Variants in ZNF723 observed in about 807,000 individuals in gnomAD.
The protein encoded by ZNF723 is zinc finger protein 723, pseudogene.
Under a neutral mutation model 9.4 loss-of-function variants are expected in ZNF723, and 5 were observed. That is an observed-to-expected ratio of 0.53 (90% CI 0.28 to 1.12). ZNF723 has a LOEUF of 1.12. Among genes scored for constraint, ZNF723 ranks in the 50% most tolerant of loss-of-function variants. ZNF723 has a pLI of 0.10. For synonymous variants in ZNF723, 158 were observed against 168.8 expected (o/e 0.94, Z 0.49); for missense variants, 450 against 501.5 (o/e 0.90, Z 0.98).
chr19:22,825,800 G>T, the ZNF723 span, among the ~76,000 whole-genome samples: 1 of 152,206 alleles, frequency 6.6e-6, no homozygotes, highest in African/African-American at 2.4e-5. Context: ...ACATACTGCA[G>T]TGCCCAACAT....
chr19:22,854,169 A>G (rs1288615615), intron 3 of ZNF723, among the ~76,000 whole-genome samples: 1 of 152,100 alleles, frequency 6.6e-6, no homozygotes, highest in Non-Finnish European at 1.5e-5. Context: ...ACACACACAC[A>G]CACACATTTG....
Position 22,858,140 on chromosome 19 carries a change from A to C in ZNF723, c.1249A>C (p.Ile417Leu). The C allele has an allele frequency of 7.0e-7, 1 of 1,434,024 alleles. No individual in the cohort carries two copies. Among genetic ancestry groups the C allele is most frequent in the Non-Finnish European group, 9.8e-7 (1 of 1,017,500 alleles). 88.8% of individuals were successfully genotyped at this position (1,434,024 alleles called of 1,614,324 possible). ...ATCCTCAGCCCTTACTACACATAAG[A>C]TAATTCATACTGGAGAAAGACCTTA... ...NQSSALTTHK[I>L]IHTGERPYKC... The change falls in exon 4 of 4, where the codon ATA (isoleucine) becomes CTA (leucine). Residue 417 changes from isoleucine to leucine, a missense_variant. By Grantham distance (5) the Ile-to-Leu change is conservative. This residue lies in a region of ZNF723 where 237 missense variants were observed against 332.2 expected (regional missense o/e 0.71). Coordinates refer to ENST00000600766, the MANE Select transcript of ZNF723 (RefSeq NM_001349726.2).
At chr19:22,841,343 A>G (rs189716067) in intron 1 of ZNF723, among the ~76,000 whole-genome samples, 1 of 152,296 alleles carries the variant, frequency 6.6e-6, no homozygotes, top group Admixed American at 6.5e-5. Flanking sequence ...ATGGTGCTGT[A>G]AATTTTTCCA....
chr19:22,819,668 G>A, the ZNF723 span, among the ~76,000 whole-genome samples: 547 of 152,306 alleles, frequency 3.6e-3, 6 homozygotes, highest in African/African-American at 0.013. Flanking sequence ...AGAAAGCATT[G>A]CAACATATCT....
the ZNF723 span, among the ~76,000 whole-genome samples, chr19:22,818,341 C>G: frequency 6.6e-6 from 1 of 152,136 alleles, no homozygotes; most frequent in Non-Finnish European, 1.5e-5. Context: ...GAATACAGCC[C>G]TCAGTTGAGG....
At chr19:22,855,156 G>A (rs894648216) in intron 3 of ZNF723, among the ~76,000 whole-genome samples, 2 of 151,632 alleles carry the variant, frequency 1.3e-5, no homozygotes, top group African/African-American at 4.8e-5. Context: ...ACAATGGTAG[G>A]AAATTTCATT....
chr19:22,849,728 G>A (rs1488319782), intron 3 of ZNF723, among the ~76,000 whole-genome samples: 3 of 152,116 alleles, frequency 2.0e-5, no homozygotes, highest in Non-Finnish European at 4.4e-5. Context: ...GGCCAACATG[G>A]TGAAACCCCT....
chr19:22,844,827 A>T (rs1967287770), intron 1 of ZNF723, among the ~76,000 whole-genome samples: 1 of 152,210 alleles, frequency 6.6e-6, no homozygotes, highest in Non-Finnish European at 1.5e-5. Flanking sequence ...GACTTAGTTA[A>T]AACACACATT....
At chr19:22,825,821 T>C in the ZNF723 span, among the ~76,000 whole-genome samples, 5 of 152,224 alleles carry the variant, frequency 3.3e-5, no homozygotes, top group African/African-American at 9.6e-5. Flanking sequence ...TATGATAATG[T>C]GATTTTACTG....
chr19:22,832,501 T>A, intron 1 of ZNF723, 119 bp downstream of exon 1: 1 of 1,126,730 alleles, frequency 8.9e-7, no homozygotes, highest in Non-Finnish European at 1.3e-6. Context: ...CGCTCGGAGT[T>A]CTAGCCTGGC....
the ZNF723 span, among the ~76,000 whole-genome samples, chr19:22,822,623 G>A: frequency 6.6e-6 from 1 of 152,170 alleles, no homozygotes; most frequent in Non-Finnish European, 1.5e-5. Flanking sequence ...ATCAGTTTGG[G>A]AGGCCGAGGC....
chr19:22,842,029 C>T (rs1432236806), intron 1 of ZNF723, among the ~76,000 whole-genome samples: 1 of 152,080 alleles, frequency 6.6e-6, no homozygotes, highest in East Asian at 1.9e-4. Flanking sequence ...TGTTTTGAGA[C>T]AGTCTTGGTC....
intron 3 of ZNF723, among the ~76,000 whole-genome samples, chr19:22,851,634 C>T (rs1047383775): frequency 1.3e-5 from 2 of 152,118 alleles, no homozygotes; most frequent in Admixed American, 6.6e-5. Context: ...CTAATGCTAT[C>T]GGATTACAGG....
chr19:22,832,202 C>A (rs1967105973), upstream of ZNF723: 1 of 625,530 alleles, frequency 1.6e-6, no homozygotes, highest in Non-Finnish European at 2.5e-6. Flanking sequence ...GGGCCTTAAA[C>A]GGCATCCATT....
the ZNF723 span, among the ~76,000 whole-genome samples, chr19:22,818,241 A>T: frequency 6.6e-6 from 1 of 152,162 alleles, no homozygotes; most frequent in African/African-American, 2.4e-5. Flanking sequence ...GGTGGTACAC[A>T]GATTGCTCTA....
At chr19:22,816,220 C>T in the ZNF723 span, among the ~76,000 whole-genome samples, 1 of 152,268 alleles carries the variant, frequency 6.6e-6, no homozygotes, top group African/African-American at 2.4e-5. Context: ...TTGTGACACT[C>T]ATATATACAC....
chr19:22,829,921 T>C (rs1024980169), upstream of ZNF723, among the ~76,000 whole-genome samples: 1 of 152,202 alleles, frequency 6.6e-6, no homozygotes, highest in African/African-American at 2.4e-5. Context: ...TATGCCACTT[T>C]GCTTTTTCCA....
chr19:22,846,183 G>A (rs1285533010), intron 1 of ZNF723, among the ~76,000 whole-genome samples: 2 of 152,068 alleles, frequency 1.3e-5, no homozygotes. Flanking sequence ...CTTTGTGGCT[G>A]TTGAACATGG....
At chr19:22,847,537 A>C (rs76362988) in intron 1 of ZNF723, among the ~76,000 whole-genome samples, 2 of 152,028 alleles carry the variant, frequency 1.3e-5, no homozygotes, top group East Asian at 3.9e-4. Flanking sequence ...GGAAAAAAAA[A>C]AAATCTCCAT....
Sources: gnomAD v4.1 joint callset for allele counts (sites outside exome capture counted in the v4.1 genomes callset) on GRCh38, gnomAD v4.1.1 for gene constraint, gnomAD v4.1.1 regional missense constraint, MANE v1.5 for transcripts, NCBI Gene and HGNC (gene_info 2026-07-23, HGNC 2026-07-21) for gene names.